ZPLD1: variants seen among roughly 807,000 people sequenced by gnomAD.
The protein encoded by ZPLD1 is zona pellucida like domain containing 1, also known as zona pellucida-like domain-containing protein 1.
Under a neutral mutation model 47.2 loss-of-function variants are expected in ZPLD1, and 34 were observed. The ratio of observed to expected loss-of-function variants is 0.72; its 90% CI spans 0.55 to 0.96. The LOEUF is 0.96. ZPLD1 is among the 40% of genes least tolerant of loss of function. The probability of loss-of-function intolerance (pLI) is 0.00; values close to 1 mark genes in which losing one functional copy is unlikely to be tolerated. For synonymous variants in ZPLD1, 176 were observed against 186.2 expected, an observed-to-expected ratio of 0.95 and a Z score of 0.45; for missense variants, 512 against 505.8, an observed-to-expected ratio of 1.01 and a Z score of -0.12.
intron 7 of ZPLD1, among the ~76,000 whole-genome samples, chr3:102,407,602 G>C (rs890673030): frequency 1.3e-5 from 2 of 150,812 alleles, no homozygotes; most frequent in Non-Finnish European, 3.0e-5. Context: ...TATTTGACTA[G>C]TATTTATTGA....
At chr3:102,429,056 G>A (rs2107312695) in intron 8 of ZPLD1, among the ~76,000 whole-genome samples, 1 of 152,162 alleles carries the variant, frequency 6.6e-6, no homozygotes, top group Admixed American at 6.6e-5. Flanking sequence ...ATTAGTCAAA[G>A]GTTTTGGCTG....
intron 7 of ZPLD1, among the ~76,000 whole-genome samples, chr3:102,412,045 C>T (rs1003774511): frequency 6.6e-6 from 1 of 151,674 alleles, no homozygotes; most frequent in Non-Finnish European, 1.5e-5. Flanking sequence ...GTGGGAACCT[C>T]AGGTAGGGCT....
upstream of ZPLD1, among the ~76,000 whole-genome samples, chr3:102,430,747 G>A (rs530370563): frequency 1.3e-5 from 2 of 152,254 alleles, no homozygotes; most frequent in African/African-American, 2.4e-5. Flanking sequence ...TGTCCCTTGT[G>A]ATTGATTCCT....
At chr3:102,417,613 T>C (rs1706824268) in intron 7 of ZPLD1, among the ~76,000 whole-genome samples, 1 of 151,960 alleles carries the variant, frequency 6.6e-6, no homozygotes, top group Non-Finnish European at 1.5e-5. Context: ...TTATTATTAT[T>C]CCAATCAAAC....
intron 7 of ZPLD1, 152 bp downstream of exon 7, chr3:102,462,530 A>G: frequency 1.9e-6 from 1 of 540,156 alleles, no homozygotes; most frequent in South Asian, 2.7e-5. Context: ...GAAATAACAG[A>G]TTACAAAGTT....
intron 5 of ZPLD1, 90 bp downstream of exon 5, chr3:102,456,464 T>G: frequency 8.9e-7 from 1 of 1,124,682 alleles, no homozygotes; most frequent in South Asian, 1.5e-5. Flanking sequence ...ATAGCAGGAT[T>G]TATTAAAAAT....
rs148328092 is a variant in ZPLD1, at chr3:102,404,083, A to G, written c.-157+11858A>G. Among the ~76,000 whole-genome samples, 85 of 152,076 alleles carry G rather than the reference A, an allele frequency of 5.6e-4. 1 individual carries two copies. The East Asian group carries it at 0.016, about 28-fold the overall frequency. ...ATTATAATTCTGCAGAAAACTGCCT[A>G]TATTCCCGTGTCACTCTTGAATAAT... On this transcript the variant is annotated intron_variant, in intron 7 of 17. Transcript: ENST00000491959.
chr3:102,415,749 CTT>C (rs1706798346), intron 7 of ZPLD1, among the ~76,000 whole-genome samples: 1 of 151,764 alleles, frequency 6.6e-6, no homozygotes, highest in South Asian at 2.1e-4. Context: ...ACAAGGAGGG[CTT>C]TTTACTTTCA....
chr3:102,442,535 A>G (rs1021268843), intron 3 of ZPLD1, among the ~76,000 whole-genome samples: 6 of 152,154 alleles, frequency 3.9e-5, no homozygotes, highest in African/African-American at 1.4e-4. Context: ...CAGAGTGAGC[A>G]AATAAAGCCT....
At chr3:102,474,357 T>A (rs1707727067) in intron 10 of ZPLD1, among the ~76,000 whole-genome samples, 1 of 152,180 alleles carries the variant, frequency 6.6e-6, no homozygotes, top group African/African-American at 2.4e-5. Flanking sequence ...TTAGAATTGC[T>A]GAGTTTTATG....
chr3:102,464,029 A>G (rs887898309), intron 7 of ZPLD1, 142 bp from the exon 8 acceptor site: 3 of 612,544 alleles, frequency 4.9e-6, no homozygotes, highest in Admixed American at 2.9e-5. Flanking sequence ...CAGTCTGGGC[A>G]ACGGAACAAG....
At chr3:102,429,934 C>T (rs113368696) in intron 8 of ZPLD1, among the ~76,000 whole-genome samples, 25 of 152,266 alleles carry the variant, frequency 1.6e-4, no homozygotes, top group South Asian at 6.2e-4. Flanking sequence ...ATTCCTTTTT[C>T]GTACTCACTC....
intron 8 of ZPLD1, among the ~76,000 whole-genome samples, chr3:102,420,845 A>G (rs978949614): frequency 6.6e-6 from 1 of 151,982 alleles, no homozygotes; most frequent in East Asian, 1.9e-4. Flanking sequence ...TATTTTAAAA[A>G]TTATGAAACC....
At chr3:102,433,640 G>T (rs1470735434), upstream of ZPLD1, among the ~76,000 whole-genome samples, 1 of 152,162 alleles carries the variant, frequency 6.6e-6, no homozygotes, top group Non-Finnish European at 1.5e-5. Flanking sequence ...GCATTCTTCT[G>T]ACTCAGCCTC....
intron 6 of ZPLD1, among the ~76,000 whole-genome samples, chr3:102,459,961 C>A (rs1707480947): frequency 6.6e-6 from 1 of 151,992 alleles, no homozygotes; most frequent in South Asian, 2.1e-4. Flanking sequence ...CTGTATAATA[C>A]AGAAGAGTTT....
chr3:102,472,627 T>A lies in ZPLD1; in HGVS notation c.1042+2125T>A, dbSNP rs370093933. ...AAATGGCTCATAGAATTACATTGAA[T>A]GGAAACTCAGTTCTTGTTGCCAAAT... On this transcript the variant is annotated intron_variant, in intron 10 of 11. Transcript: ENST00000466937. Among the ~76,000 whole-genome samples the A allele has an allele frequency of 7.9e-5, 12 of 152,262 alleles. 1 individual carries two copies. In the East Asian group the frequency reaches 9.7e-4, roughly 12 times the overall value.
Position 102,477,016 on chromosome 3 carries a change from G to A in ZPLD1, c.1047G>A (p.Glu349=), listed in dbSNP as rs756435718. 8.7e-6 allele frequency: 14 copies of A among 1,613,326 alleles called. No individual in the cohort carries two copies. In the Admixed American group the frequency reaches 1.3e-4, roughly 15 times the overall value. ...SAGPIITRSD[E]TPTNNSQLGS... The stretch of plus-strand genomic sequence containing the variant: ...TTTTCTGTTTTTTCCCCTCAGATGA[G>A]ACTCCAACCAACAATTCGCAACTTG... The change falls in exon 11 of 12, where the codon GAG becomes GAA. Residue 349 remains glutamate (E), a synonymous_variant. Transcript: ENST00000466937.
intron 7 of ZPLD1, among the ~76,000 whole-genome samples, chr3:102,403,127 C>A (rs1354038929): frequency 1.3e-5 from 2 of 151,864 alleles, no homozygotes; most frequent in South Asian, 4.1e-4. Flanking sequence ...AGCAGCTTTA[C>A]AATTTTCACA....
chr3:102,391,680 C>G (rs542599239), intron 6 of ZPLD1, among the ~76,000 whole-genome samples: 18 of 152,140 alleles, frequency 1.2e-4, no homozygotes, highest in African/African-American at 3.9e-4. Flanking sequence ...CTGAACCACT[C>G]CAACTGACTA....
Sources: gnomAD v4.1 joint callset for allele counts (sites outside exome capture counted in the v4.1 genomes callset) on GRCh38, gnomAD v4.1.1 for gene constraint, MANE v1.5 for transcripts, NCBI Gene and HGNC (gene_info 2026-07-23, HGNC 2026-07-21) for gene names.